CNTLN: variants seen among roughly 807,000 people sequenced by gnomAD.
CNTLN encodes centlein.
CNTLN carries 212 observed loss-of-function variants against 180.0 expected under a neutral mutation model. The observed-to-expected ratio is 1.18, with a 90% CI of 1.05 to 1.32. The LOEUF (loss-of-function observed/expected upper bound fraction) is 1.32. Ranked by LOEUF, CNTLN falls within the 40% of genes most tolerant of loss-of-function variation. CNTLN has a pLI of 0.00. For synonymous variants in CNTLN, 722 were observed against 563.1 expected (o/e 1.28, Z -3.99); for missense variants, 2,095 against 1,610.9 (o/e 1.30, Z -5.14).
intron 13 of CNTLN, among the ~76,000 whole-genome samples, chr9:17,369,473 A>G (rs1824123230): frequency 6.6e-6 from 1 of 152,118 alleles, no homozygotes; most frequent in African/African-American, 2.4e-5. Flanking sequence ...AGCCTTTCAG[A>G]CAGAGAATTC....
chr9:17,302,419 G>A (rs1052427975), intron 7 of CNTLN, among the ~76,000 whole-genome samples: 6 of 151,928 alleles, frequency 3.9e-5, no homozygotes, highest in Admixed American at 1.3e-4. Context: ...GGCTGGTCTC[G>A]AACTCCTTAC....
chr9:17,309,342 T>C, intron 8 of CNTLN, 90 bp downstream of exon 8: 4 of 994,332 alleles, frequency 4.0e-6, no homozygotes, highest in Admixed American at 2.7e-5. Context: ...TTTAAATATA[T>C]TTGCATTTAT....
At chr9:17,519,360 T>G in the CNTLN span, among the ~76,000 whole-genome samples, 1 of 152,114 alleles carries the variant, frequency 6.6e-6, no homozygotes, top group Non-Finnish European at 1.5e-5. Flanking sequence ...ACTTTTAATT[T>G]AACATGGTAC....
chr9:17,400,789 A>T (rs1004206889), intron 15 of CNTLN, among the ~76,000 whole-genome samples: 3 of 152,192 alleles, frequency 2.0e-5, no homozygotes, highest in Non-Finnish European at 4.4e-5. Context: ...ATGTTAATTC[A>T]TTCATTCATT....
chr9:17,215,262 C>T (rs2132003814), intron 2 of CNTLN, among the ~76,000 whole-genome samples: 1 of 152,338 alleles, frequency 6.6e-6, no homozygotes, highest in East Asian at 1.9e-4. Context: ...TGTTAGTTCT[C>T]CTTCTAACAG....
intron 18 of CNTLN, among the ~76,000 whole-genome samples, chr9:17,417,622 A>G (rs1424146284): frequency 6.6e-6 from 1 of 152,020 alleles, no homozygotes; most frequent in Non-Finnish European, 1.5e-5. Flanking sequence ...TACAAAAATT[A>G]TTTTCCTCAT....
At chr9:17,411,421 C>T (rs1339889271) in intron 16 of CNTLN, among the ~76,000 whole-genome samples, 1 of 152,140 alleles carries the variant, frequency 6.6e-6, no homozygotes, top group African/African-American at 2.4e-5. Context: ...TTCACTCTTA[C>T]CTGGCAATAA....
At position 17,359,764 on chromosome 9, in the gene CNTLN, G is replaced by T. The variant is rs1823201125; in HGVS notation, c.1887-6853G>T. 5.7e-5 allele frequency among the ~76,000 whole-genome samples: 3 copies of T among 52,734 alleles called. No individual in the cohort carries two copies. The Admixed American group carries it at 6.4e-4, about 11-fold the overall frequency. 34.6% of individuals were successfully genotyped at this position (52,734 alleles called of 152,430 possible). On this transcript the variant is annotated intron_variant, in intron 12 of 25. Coordinates refer to ENST00000380647, the MANE Select transcript of CNTLN (RefSeq NM_017738.4). The stretch of plus-strand genomic sequence containing the variant: ...AAAAAAAAAAAACTAGCTGGGTGTA[G>T]TGGCGGGCGCCTGTAGTCCCAGCTA...
chr9:17,223,735 A>G (rs1319085320), intron 2 of CNTLN, among the ~76,000 whole-genome samples: 1 of 151,908 alleles, frequency 6.6e-6, no homozygotes, highest in Non-Finnish European at 1.5e-5. Flanking sequence ...CCAGCCATTG[A>G]TACTCTTAGA....
the CNTLN span, among the ~76,000 whole-genome samples, chr9:17,516,440 A>G: frequency 6.6e-6 from 1 of 152,230 alleles, no homozygotes; most frequent in African/African-American, 2.4e-5. Context: ...GGGAACCTTC[A>G]GACATGAAGA....
At chr9:17,216,691 T>C (rs906415602) in intron 2 of CNTLN, among the ~76,000 whole-genome samples, 1 of 152,220 alleles carries the variant, frequency 6.6e-6, no homozygotes, top group Non-Finnish European at 1.5e-5. Context: ...TGTAAGTTTA[T>C]GTTATATTCT....
At chr9:17,158,322 A>G (rs1157765027) in intron 2 of CNTLN, among the ~76,000 whole-genome samples, 1 of 152,032 alleles carries the variant, frequency 6.6e-6, no homozygotes, top group Non-Finnish European at 1.5e-5. Flanking sequence ...ACTTTTACAT[A>G]CCTATTTATA....
Position 17,273,735 on chromosome 9 carries a change from C to A in CNTLN, c.852C>A (p.Thr284=), listed in dbSNP as rs377753500. 5.7e-5 allele frequency: 86 copies of A among 1,498,720 alleles called. No homozygotes were observed. The highest frequency in any genetic ancestry group is 7.3e-5 in the Non-Finnish European group (81 of 1,116,388). The allele number at this position is 1,498,720 out of a possible 1,614,324, so 92.8% of individuals were successfully genotyped here. A position where few individuals can be genotyped will look rare whatever the true frequency, so the allele number is the denominator to read the frequency against. ...TGATATAAGCACTCTAATTTTAGAC[C>A]TTTGAAGACAATTTAATTGAAGCAA... ...EKYSTDAKIK[T]FEDNLIEARK... is the part of the protein sequence containing the mutation. The change falls in exon 6 of 26, where the codon ACC becomes ACA. Residue 284 remains threonine (T), a splice_region_variant and synonymous_variant. Transcript: ENST00000380647.
At chr9:17,514,567 C>G in the CNTLN span, among the ~76,000 whole-genome samples, 1 of 152,194 alleles carries the variant, frequency 6.6e-6, no homozygotes, top group South Asian at 2.1e-4. Context: ...AAAAAGAGAA[C>G]TATAAATCAA....
rs201271465 is a variant in CNTLN, at chr9:17,394,949, C to G, written c.2495C>G (p.Ala832Gly). 1.2e-6 allele frequency: 2 copies of G among 1,614,078 alleles called. No homozygotes were observed. Among genetic ancestry groups the G allele is most frequent in the East Asian group, 2.2e-5 (1 of 44,868 alleles). Residue 832 changes from alanine to glycine, a missense_variant, in exon 15 of 26, where the codon GCT becomes GGT. Coordinates refer to ENST00000380647, the MANE Select transcript of CNTLN (RefSeq NM_017738.4). ...KTTMTKVKFK[A>G]AKKNCSVGRH... is the part of the protein sequence containing the mutation. ...ACTATGACCAAGGTTAAATTTAAAG[C>G]TGCGAAGAAAAATTGCTCTGTGGGT...
At chr9:17,302,613 G>T (rs936498787) in intron 7 of CNTLN, among the ~76,000 whole-genome samples, 2 of 146,808 alleles carry the variant, frequency 1.4e-5, no homozygotes, top group African/African-American at 5.1e-5. Flanking sequence ...ATCAGTAAAC[G>T]TTAAGTTACT....
At chr9:17,145,267 T>C (rs1818378898) in intron 2 of CNTLN, among the ~76,000 whole-genome samples, 1 of 152,218 alleles carries the variant, frequency 6.6e-6, no homozygotes. Context: ...GTCTGTAGAT[T>C]ACACTGTGAG....
chr9:17,175,609 T>C lies in CNTLN; in HGVS notation c.449+32233T>C, dbSNP rs545934994. Among the ~76,000 whole-genome samples, 52 of 152,292 alleles carry C rather than the reference T, an allele frequency of 3.4e-4. 2 individuals carry two copies. In the South Asian group the frequency reaches 0.01, roughly 30 times the overall value. ...TCCTGCTTTTTCTTCCTTTTCAAAA[T>C]TGTTTTAGATATTTCAGTCCTGTGC... On this transcript the variant is annotated intron_variant, in intron 2 of 25. Transcript: ENST00000380647.
the CNTLN span, among the ~76,000 whole-genome samples, chr9:17,514,267 A>G: frequency 6.6e-6 from 1 of 152,162 alleles, no homozygotes; most frequent in South Asian, 2.1e-4. Flanking sequence ...CTGAGACTGC[A>G]TCACTGTACT....
Sources: gnomAD v4.1 joint callset for allele counts (sites outside exome capture counted in the v4.1 genomes callset) on GRCh38, gnomAD v4.1.1 for gene constraint, MANE v1.5 for transcripts, NCBI Gene and HGNC (gene_info 2026-07-23, HGNC 2026-07-21) for gene names.